The following TOM1L2 variants were observed in gnomAD, a reference collection of about 807,000 sequenced individuals.
TOM1L2 encodes the protein TOM1-like protein 2.
Under a neutral mutation model 67.9 loss-of-function variants are expected in TOM1L2, and 31 were observed. That is an observed-to-expected ratio of 0.46 (90% CI 0.34 to 0.62). TOM1L2 has a LOEUF of 0.62. TOM1L2 is among the 20% of genes least tolerant of loss of function. TOM1L2 has a pLI of 0.01. For missense variants in TOM1L2, 606 were observed against 663.5 expected (o/e 0.91, Z 0.95); for synonymous variants, 256 against 254.0 (o/e 1.01, Z -0.07).
In TOM1L2 at chr17:17,879,689, A is replaced by G. The variant is rs2037612872; in HGVS notation, c.715T>C (p.Ser239Pro). The change falls in exon 7 of 15, where the codon TCT (serine) becomes CCT (proline). Residue 239 changes from serine (S) to proline (P), a missense_variant. By Grantham distance (74) the Ser-to-Pro change is moderately conservative. Around this residue, in one of 2 missense-constraint regions of TOM1L2, gnomAD observed 543 missense variants for 554.0 expected, o/e 0.98. Coordinates refer to ENST00000379504, the MANE Select transcript of TOM1L2 (RefSeq NM_001082968.2). Reference sequence around the variant, plus strand: ...GGGACCATTTCTGTTAACATCTCAGACATGACTTTTGTGTTTCCTCGAACG... The same window carrying G: ...GGGACCATTTCTGTTAACATCTCAGGCATGACTTTTGTGTTTCCTCGAACG... ...DVVRGNTKVMSEMLTEMVPGQ... is the reference protein window; with the variant it reads ...DVVRGNTKVMPEMLTEMVPGQ... The G allele has an allele frequency of 6.2e-7, 1 of 1,614,094 alleles. No individual in the cohort carries two copies.
chr17:17,948,524 C>T (rs192712592), intron 1 of TOM1L2, among the ~76,000 whole-genome samples: 2 of 152,110 alleles, frequency 1.3e-5, no homozygotes, highest in Non-Finnish European at 2.9e-5. Flanking sequence ...TGGTGGTGCA[C>T]GTCTGTAATC....
At chr17:17,890,231 G>A (rs1335190694) in intron 4 of TOM1L2, among the ~76,000 whole-genome samples, 1 of 152,188 alleles carries the variant, frequency 6.6e-6, no homozygotes, top group African/African-American at 2.4e-5. Flanking sequence ...GTGTGTGGGT[G>A]AGGATGCGAA....
At chr17:17,852,073 C>T (rs891056556) in intron 12 of TOM1L2, among the ~76,000 whole-genome samples, 5 of 151,868 alleles carry the variant, frequency 3.3e-5, no homozygotes, top group African/African-American at 7.3e-5. Context: ...GGTACCCTTC[C>T]GGGGCTCACT....
At chr17:17,925,683 A>C (rs1409807115) in intron 1 of TOM1L2, among the ~76,000 whole-genome samples, 1 of 91,662 alleles carries the variant, frequency 1.1e-5, no homozygotes, top group Admixed American at 1.1e-4. Context: ...CGTGTCTACC[A>C]AAAAAAAAAA....
intron 4 of TOM1L2, among the ~76,000 whole-genome samples, chr17:17,888,877 AG>A (rs1422899670): frequency 6.6e-6 from 1 of 152,356 alleles, no homozygotes; most frequent in African/African-American, 2.4e-5. Flanking sequence ...GCAAACAAAA[AG>A]GGACACAAGC....
At chr17:17,851,242 G>A in intron 12 of TOM1L2, 2 of 447,728 alleles carry the variant, frequency 4.5e-6, no homozygotes, top group Non-Finnish European at 4.1e-6. Context: ...TTTTGACTAT[G>A]AGTGTCCACT....
intron 2 of TOM1L2, among the ~76,000 whole-genome samples, chr17:17,907,237 C>T (rs2039138249): frequency 6.6e-6 from 1 of 152,248 alleles, no homozygotes; most frequent in African/African-American, 2.4e-5. Flanking sequence ...GAGGTCATCC[C>T]TGTTCTACCT....
At chr17:17,874,135 T>C (rs867844474) in intron 7 of TOM1L2, among the ~76,000 whole-genome samples, 1 of 152,000 alleles carries the variant, frequency 6.6e-6, no homozygotes, top group South Asian at 2.1e-4. Flanking sequence ...TTTTGTATTT[T>C]AATAGAGACG....
chr17:17,893,618 A>G, intron 4 of TOM1L2, 43 bp downstream of exon 4: 2 of 1,588,864 alleles, frequency 1.3e-6, no homozygotes, highest in Non-Finnish European at 1.7e-6. Context: ...AAGAGACTTC[A>G]TCTTACTCTG....
At chr17:17,881,779 C>T (rs1016672309) in intron 6 of TOM1L2, among the ~76,000 whole-genome samples, 1 of 152,188 alleles carries the variant, frequency 6.6e-6, no homozygotes, top group Admixed American at 6.5e-5. Flanking sequence ...CCTGCTCTCA[C>T]CGTACTCCCT....
At chr17:17,969,057 C>CAT (rs1422938870) in intron 1 of TOM1L2, among the ~76,000 whole-genome samples, 4 of 140,744 alleles carry the variant, frequency 2.8e-5, no homozygotes, top group African/African-American at 7.9e-5. Flanking sequence ...ACCAGCTCTC[C>CAT]TTTTTTTTTT....
In TOM1L2 at chr17:17,861,534, G is replaced by T; in HGVS notation, c.1220C>A (p.Pro407His). The T allele has an allele frequency of 6.2e-7, 1 of 1,614,126 alleles. No homozygotes were observed. Among genetic ancestry groups the T allele is most frequent in the Non-Finnish European group, 8.5e-7 (1 of 1,180,008 alleles). The change falls in exon 12 of 15, where the codon CCT becomes CAT. Residue 407 changes from proline to histidine, a missense_variant. Pro to His is a moderately conservative substitution (Grantham distance 77). Transcript: ENST00000379504. ...EQRKTVTYED[P>H]QAVGGLASAL... ...AGAAGCAAGTCCTCCGACAGCCTGA[G>T]GATCCTCATAGGTTACCCTGGAGAT...
At chr17:17,900,501 G>A (rs1598296562) in intron 2 of TOM1L2, among the ~76,000 whole-genome samples, 1 of 137,366 alleles carries the variant, frequency 7.3e-6, no homozygotes, top group African/African-American at 2.9e-5. Context: ...CAGCCTGGGT[G>A]ACAGAGTAAG....
chr17:17,949,456 T>G (rs2041093794), intron 1 of TOM1L2, among the ~76,000 whole-genome samples: 1 of 152,196 alleles, frequency 6.6e-6, no homozygotes, highest in Admixed American at 6.5e-5. Context: ...AGCTAGAGTC[T>G]TACAGGATAA....
At chr17:17,918,053 G>A (rs926461092) in intron 1 of TOM1L2, among the ~76,000 whole-genome samples, 4 of 151,796 alleles carry the variant, frequency 2.6e-5, no homozygotes, top group Admixed American at 6.6e-5. Context: ...TATAGTTTTC[G>A]GTGCACAATT....
intron 4 of TOM1L2, among the ~76,000 whole-genome samples, chr17:17,885,849 C>T (rs987805806): frequency 2.2e-5 from 3 of 136,818 alleles, no homozygotes; most frequent in Non-Finnish European, 3.1e-5. Flanking sequence ...GGTGTGAATC[C>T]GGGAGGCAGA....
At chr17:17,964,690 T>C (rs7207535) in intron 1 of TOM1L2, among the ~76,000 whole-genome samples, 173 of 152,254 alleles carry the variant, frequency 1.1e-3, no homozygotes, top group African/African-American at 4.1e-3. Context: ...CCCAGTAGGT[T>C]GAGGCTTTAA....
At chr17:17,885,979 C>G (rs1228003638) in intron 4 of TOM1L2, among the ~76,000 whole-genome samples, 1 of 146,296 alleles carries the variant, frequency 6.8e-6, no homozygotes, top group African/African-American at 2.5e-5. Flanking sequence ...TGGACTGTAT[C>G]AAAAACAGAA....
At chr17:17,968,080 T>C (rs1422749449) in intron 1 of TOM1L2, among the ~76,000 whole-genome samples, 1 of 152,166 alleles carries the variant, frequency 6.6e-6, no homozygotes, top group African/African-American at 2.4e-5. Flanking sequence ...AATGTTCACA[T>C]GAGGCCCACG....
Sources: gnomAD v4.1 joint callset for allele counts (sites outside exome capture counted in the v4.1 genomes callset) on GRCh38, gnomAD v4.1.1 for gene constraint, gnomAD v4.1.1 regional missense constraint, MANE v1.5 for transcripts, NCBI Gene and HGNC (gene_info 2026-07-23, HGNC 2026-07-21) for gene names.